ZCCHC14: variants seen among roughly 807,000 people sequenced by gnomAD.
ZCCHC14 encodes the protein zinc finger CCHC domain-containing protein 14.
In ZCCHC14, 16 loss-of-function variants were observed where a neutral mutation model predicts 85.0. That is an observed-to-expected ratio of 0.19 (90% CI 0.13 to 0.29). ZCCHC14 has a LOEUF of 0.29. Ranked by LOEUF, ZCCHC14 falls within the 10% of genes least tolerant of loss-of-function variation. The pLI, the probability that ZCCHC14 is intolerant of heterozygous loss-of-function variation, is 1.00. For synonymous variants in ZCCHC14, 775 were observed against 630.7 expected, an observed-to-expected ratio of 1.23 and a Z score of -3.43; for missense variants, 1,303 against 1,443.5, an observed-to-expected ratio of 0.90 and a Z score of 1.58.
intron 4 of ZCCHC14, among the ~76,000 whole-genome samples, chr16:87,423,061 GGAGACA>G: frequency 6.6e-6 from 1 of 152,364 alleles, no homozygotes; most frequent in South Asian, 2.1e-4. Context: ...GGCTCTCTTT[GGAGACA>G]TTTACATATG....
chr16:87,471,180 G>A (rs574058130), intron 1 of ZCCHC14: 2 of 152,174 alleles, frequency 1.3e-5, no homozygotes, highest in Admixed American at 6.5e-5. Context: ...CTCTATACAG[G>A]AAGGAGTAAC....
At chr16:87,477,846 C>A (rs1428319328) in intron 1 of ZCCHC14, among the ~76,000 whole-genome samples, 2 of 147,282 alleles carry the variant, frequency 1.4e-5, no homozygotes, top group African/African-American at 2.5e-5. Context: ...GCTCCCGAGT[C>A]TGCTGCCCCT....
rs754388089 is a variant in ZCCHC14, at chr16:87,433,135, G to C, written c.761C>G (p.Ser254Cys). Residue 254 changes from serine to cysteine, a missense_variant, in exon 3 of 13, where the codon TCC becomes TGC. By Grantham distance (112) the Ser-to-Cys change is moderately radical (BLOSUM62 -1). Transcript: ENST00000671377. ...AAAAACTTAGCATCTTACCTCAAAG[G>C]AACATTCAACATTTCTGTCATTTTT... The part of the protein sequence containing the change: ...HTKNDRNVEC[S>C]FEVLWSDSSI... 1.2e-6 allele frequency: 2 copies of C among 1,614,080 alleles called. No homozygotes were observed. The highest frequency in any genetic ancestry group is 4.5e-5 in the East Asian group (2 of 44,886).
chr16:87,427,392 A>G (rs1164858574), intron 3 of ZCCHC14, among the ~76,000 whole-genome samples: 1 of 152,168 alleles, frequency 6.6e-6, no homozygotes, highest in African/African-American at 2.4e-5. Flanking sequence ...CGGAGCAGTC[A>G]GTGTTGCTTG....
chr16:87,475,386 T>C (rs1263844615), intron 1 of ZCCHC14, among the ~76,000 whole-genome samples: 1 of 151,744 alleles, frequency 6.6e-6, no homozygotes, highest in Non-Finnish European at 1.5e-5. Context: ...ACCCTGTCTC[T>C]ACAAAAAAAT....
At chr16:87,490,083 A>G (rs1912683690) in intron 1 of ZCCHC14, among the ~76,000 whole-genome samples, 1 of 152,224 alleles carries the variant, frequency 6.6e-6, no homozygotes, top group Non-Finnish European at 1.5e-5. Flanking sequence ...CCTGAAATAC[A>G]GGGTGGGAGC....
intron 12 of ZCCHC14, 44 bp downstream of exon 12, chr16:87,411,472 G>C: frequency 1.2e-6 from 2 of 1,604,604 alleles, no homozygotes; most frequent in Non-Finnish European, 1.7e-6. Context: ...TGTGTGCACT[G>C]GTCCTGCGGG....
intron 1 of ZCCHC14, among the ~76,000 whole-genome samples, chr16:87,466,001 C>T (rs1033214669): frequency 1.3e-5 from 2 of 152,132 alleles, no homozygotes; most frequent in African/African-American, 2.4e-5. Flanking sequence ...CCCCGCACTG[C>T]GCAATTAGAC....
intron 4 of ZCCHC14, among the ~76,000 whole-genome samples, chr16:87,421,350 G>A (rs1326817415): frequency 6.6e-6 from 1 of 152,192 alleles, no homozygotes; most frequent in Non-Finnish European, 1.5e-5. Flanking sequence ...GTTTTTAGGA[G>A]TGGGGCAGGG....
intron 2 of ZCCHC14, among the ~76,000 whole-genome samples, chr16:87,445,433 C>G (rs769102926): frequency 1.3e-5 from 2 of 152,162 alleles, no homozygotes; most frequent in Non-Finnish European, 2.9e-5. Context: ...AAGGCATTGT[C>G]TGTCAGTGCT....
chr16:87,436,785 T>C (rs933765952), intron 2 of ZCCHC14, among the ~76,000 whole-genome samples: 1 of 152,088 alleles, frequency 6.6e-6, no homozygotes, highest in Non-Finnish European at 1.5e-5. Context: ...ATGCATAACA[T>C]GATGACAGTT....
chr16:87,408,715 T>C lies in ZCCHC14; in HGVS notation c.*1565A>G, dbSNP rs898001942. ...TAACAACTTTCTGCTTTAGTTTCTA[T>C]GAAGTTAGGAACTGCTCTTCAAATT... On this transcript the variant is annotated 3_prime_UTR_variant, in exon 13 of 13. Coordinates refer to ENST00000671377, the MANE Select transcript of ZCCHC14 (RefSeq NM_015144.3). The C allele has an allele frequency of 6.6e-6, 1 of 152,466 alleles. No individual in the cohort carries two copies. The highest frequency in any genetic ancestry group is 1.5e-5 in the Non-Finnish European group (1 of 68,040). The allele number at this position is 152,466 out of a possible 1,614,324, so 9.4% of individuals were successfully genotyped here. A position where few individuals can be genotyped will look rare whatever the true frequency, so the allele number is the denominator to read the frequency against.
chr16:87,415,930 GTTTT>G (rs1196816368), intron 8 of ZCCHC14, among the ~76,000 whole-genome samples: 2 of 151,696 alleles, frequency 1.3e-5, no homozygotes, highest in African/African-American at 4.8e-5. Flanking sequence ...TTGTTTGTTT[GTTTT>G]TTTGTTTTTT....
At chr16:87,485,111 G>T (rs1378849774) in intron 1 of ZCCHC14, among the ~76,000 whole-genome samples, 6 of 152,204 alleles carry the variant, frequency 3.9e-5, no homozygotes, top group Non-Finnish European at 7.3e-5. Context: ...ATGGCGGGCG[G>T]GGTCCACAGT....
At chr16:87,478,399 G>A (rs1912119167) in intron 1 of ZCCHC14, among the ~76,000 whole-genome samples, 2 of 152,208 alleles carry the variant, frequency 1.3e-5, no homozygotes, top group Admixed American at 1.3e-4. Flanking sequence ...GGGAGTCGGG[G>A]TGCAGAGAAG....
rs568357465 is a variant in ZCCHC14, at chr16:87,450,542, G to A, written c.694+9466C>T. Among the ~76,000 whole-genome samples, 3 of 151,618 alleles carry A rather than the reference G, an allele frequency of 2.0e-5. No homozygotes were observed. In the East Asian group the frequency reaches 5.8e-4, roughly 29 times the overall value. Reference sequence around the variant, plus strand: ...GAGAAACAAAAGTAGTGAGTAATTGGGAAAACATAAAGCTGATAATAGATT... The same window carrying A: ...GAGAAACAAAAGTAGTGAGTAATTGAGAAAACATAAAGCTGATAATAGATT... On this transcript the variant is annotated intron_variant, in intron 2 of 12. Transcript: ENST00000671377.
rs1032623858 is a variant in ZCCHC14, at chr16:87,420,489, C to G, written c.950+118G>C. ...GAAATCCCTAGAGGCCAAGTAGAGA[C>G]CCAGGTCCAGGTGACCGCGCATCCT... On this transcript the variant is annotated intron_variant, in intron 5 of 12. Coordinates refer to ENST00000671377, the MANE Select transcript of ZCCHC14 (RefSeq NM_015144.3). The surrounding 1 kb of genome is among the most constrained non-coding windows in gnomAD (Gnocchi z 5.0). The G allele has an allele frequency of 1.4e-6, 1 of 738,640 alleles. No individual in the cohort carries two copies. Among genetic ancestry groups the G allele is most frequent in the African/African-American group, 1.8e-5 (1 of 55,446 alleles). The allele number at this position is 738,640 out of a possible 1,614,324, so 45.8% of individuals were successfully genotyped here.
chr16:87,412,986 G>C lies in ZCCHC14; in HGVS notation c.1745-10C>G. On this transcript the variant is annotated splice_polypyrimidine_tract_variant and intron_variant, in intron 11 of 12. Transcript: ENST00000671377. Reference sequence around the variant, plus strand: ...AAGTGAATCTCCACACCTAGAGAGGGAAACAAGAGTGGTCAGTGCCATTCC... The same window carrying C: ...AAGTGAATCTCCACACCTAGAGAGGCAAACAAGAGTGGTCAGTGCCATTCC... 6.2e-7 allele frequency: 1 copy of C among 1,613,342 alleles called. No homozygotes were observed. The highest frequency in any genetic ancestry group is 1.1e-5 in the South Asian group (1 of 90,976).
At chr16:87,469,803 C>A (rs1438121972) in intron 1 of ZCCHC14, among the ~76,000 whole-genome samples, 1 of 152,174 alleles carries the variant, frequency 6.6e-6, no homozygotes, top group African/African-American at 2.4e-5. Context: ...TGCTGCACCC[C>A]TGTGGGCAGC....
Sources: allele counts gnomAD v4.1 joint callset (sites outside exome capture counted in the v4.1 genomes callset), GRCh38; gene constraint gnomAD v4.1.1; non-coding constraint Gnocchi (gnomAD v3.1); transcripts MANE v1.5; gene names NCBI Gene and HGNC (gene_info 2026-07-23, HGNC 2026-07-21).